The following SHANK2 variants were observed in gnomAD, a reference collection of about 807,000 sequenced individuals.
The protein encoded by SHANK2 is SH3 and multiple ankyrin repeat domains protein 2.
SHANK2 carries 43 observed loss-of-function variants against 133.7 expected under a neutral mutation model. That is an observed-to-expected ratio of 0.32 (90% CI 0.25 to 0.41). The LOEUF is 0.41. Among genes scored for constraint, SHANK2 ranks in the 10% least tolerant of loss-of-function variants. SHANK2 has a pLI of 1.00. For synonymous variants in SHANK2, 1,017 were observed against 952.8 expected, an observed-to-expected ratio of 1.07 and a Z score of -1.24; for missense variants, 1,994 against 2,235.8, an observed-to-expected ratio of 0.89 and a Z score of 2.18.
At chr11:70,707,372 C>CAAAAAAA (rs1172194976) in intron 14 of SHANK2, among the ~76,000 whole-genome samples, 2 of 57,882 alleles carry the variant, frequency 3.5e-5, no homozygotes, top group African/African-American at 7.8e-5. Context: ...AACTCCATCT[C>CAAAAAAA]AAAAAAAAAA....
chr11:71,084,937 C>T (rs1054094050), intron 8 of SHANK2, among the ~76,000 whole-genome samples: 17 of 152,018 alleles, frequency 1.1e-4, no homozygotes, highest in Non-Finnish European at 8.8e-5. Flanking sequence ...CAATGAATGC[C>T]CCCAAATTGC....
intron 10 of SHANK2, among the ~76,000 whole-genome samples, chr11:70,936,238 G>A (rs1183901847): frequency 1.3e-5 from 2 of 152,200 alleles, no homozygotes; most frequent in Admixed American, 1.3e-4. Context: ...GAGGCCAGGC[G>A]CGGTGGCTCA....
rs551166795 is a variant in SHANK2 at position 70,791,332 on chromosome 11, G to A, written c.1777+7111C>T. Among the ~76,000 whole-genome samples, 210 of 152,254 alleles carry A rather than the reference G, an allele frequency of 1.4e-3. 3 individuals are homozygous for A. The highest frequency in any genetic ancestry group is 4.8e-3 in the African/African-American group (200 of 41,524). On this transcript the variant is annotated intron_variant, in intron 14 of 25. Transcript: ENST00000601538. ...CCTAAACTCCAGCAGGATGGGGTGA[G>A]GACATGCATGTAATTAAGCACCAAT...
chr11:71,239,101 G>C (rs1189804288), intron 1 of SHANK2, among the ~76,000 whole-genome samples: 1 of 152,258 alleles, frequency 6.6e-6, no homozygotes, highest in African/African-American at 2.4e-5. Context: ...AGATGACCGG[G>C]AGGGGCCGCC....
rs542816753 is a variant in SHANK2, at chr11:70,482,601, T to C, written c.4979+2713A>G. On this transcript the variant is annotated intron_variant, in intron 25 of 25. Coordinates refer to ENST00000601538, the MANE Select transcript of SHANK2 (RefSeq NM_012309.5). ...TTCCTTGTTCACACAGTGGGAAAAA[T>C]TACAGGCCCTGGCTCAGGGGTGCCG... Among the ~76,000 whole-genome samples, 56 of 152,222 alleles carry C rather than the reference T, an allele frequency of 3.7e-4. No homozygotes were observed. In the South Asian group the frequency reaches 0.012, roughly 32 times the overall value.
intron 8 of SHANK2, among the ~76,000 whole-genome samples, chr11:71,077,213 G>A (rs1285937556): frequency 2.0e-5 from 3 of 152,172 alleles, no homozygotes; most frequent in African/African-American, 7.2e-5. Context: ...AAGGACTTCT[G>A]GGAGGCAACA....
intron 12 of SHANK2, 48 bp downstream of exon 12, chr11:70,820,308 GCTGGGACC>G (rs1948488187): frequency 8.4e-6 from 5 of 593,056 alleles, no homozygotes; most frequent in African/African-American, 1.9e-5. Context: ...AGTTGGAGGA[GCTGGGACC>G]CCCAGCACGT....
intron 17 of SHANK2, among the ~76,000 whole-genome samples, chr11:70,584,236 T>G (rs2060219754): frequency 6.6e-6 from 1 of 152,202 alleles, no homozygotes; most frequent in Admixed American, 6.5e-5. Context: ...AGGTAGTTAC[T>G]AAGCCAGGCA....
intron 6 of SHANK2, among the ~76,000 whole-genome samples, chr11:71,103,593 G>A (rs543721869): frequency 3.2e-4 from 48 of 152,274 alleles, no homozygotes; most frequent in Non-Finnish European, 6.8e-4. Context: ...CTCTATTAAA[G>A]GTGACGCATA....
rs1555100934 is a variant in SHANK2, at chr11:71,118,921, C to A, written c.319G>T (p.Ala107Ser). Residue 107 changes from alanine to serine, a missense_variant, in exon 4 of 26, where the codon GCC (alanine) becomes TCC (serine). This residue lies in a region of SHANK2 where 653 missense variants were observed against 563.4 expected (regional missense o/e 1.16). Coordinates refer to ENST00000601538, the MANE Select transcript of SHANK2 (RefSeq NM_012309.5). ...AACTTGCCGTCACGCCCATTGCTGG[C>A]CGGCTGGAACAGGCCGTAGTTCAGG... is the stretch of plus-strand genomic sequence containing the variant. ...DVLNYGLFQP[A>S]SNGRDGKFLD... 7.7e-6 allele frequency: 12 copies of A among 1,551,770 alleles called. No homozygotes were observed. The highest frequency in any genetic ancestry group is 8.7e-7 in the Non-Finnish European group (1 of 1,147,012).
intron 17 of SHANK2, among the ~76,000 whole-genome samples, chr11:70,612,086 G>T (rs1554994416): frequency 6.6e-6 from 1 of 152,178 alleles, no homozygotes. Flanking sequence ...CCCAGGAGGG[G>T]AGCTGGATGG....
chr11:70,573,554 G>GT (rs1222787221), intron 17 of SHANK2, among the ~76,000 whole-genome samples: 9 of 123,216 alleles, frequency 7.3e-5, no homozygotes, highest in East Asian at 2.6e-4. Context: ...GGGGGCGGGG[G>GT]GGGGGTGGGG....
intron 10 of SHANK2, among the ~76,000 whole-genome samples, chr11:70,932,051 T>C (rs979672260): frequency 2.6e-5 from 4 of 152,230 alleles, no homozygotes; most frequent in African/African-American, 9.6e-5. Flanking sequence ...ATAATCTCTA[T>C]GATACGGTAT....
intron 17 of SHANK2, among the ~76,000 whole-genome samples, chr11:70,610,265 TCCATCAGCATTG>T (rs1228886222): frequency 2.6e-5 from 4 of 151,960 alleles, no homozygotes; most frequent in African/African-American, 9.7e-5. Flanking sequence ...CCCCTAAAAT[TCCATCAGCATTG>T]CCTGTTCTTA....
chr11:70,547,072 A>G (rs1057392810), intron 17 of SHANK2, among the ~76,000 whole-genome samples: 1 of 151,780 alleles, frequency 6.6e-6, no homozygotes, highest in Non-Finnish European at 1.5e-5. Context: ...CAGTTTACCC[A>G]GAATCTCCCT....
At position 71,118,899 on chromosome 11, in the gene SHANK2, T is replaced by C; in HGVS notation, c.341A>G (p.Lys114Arg). ...FQPASNGRDG[K>R]FLDEERLLRE... The stretch of plus-strand genomic sequence containing the variant: ...CAGGAGCCGCTCCTCATCCAGGAAC[T>C]TGCCGTCACGCCCATTGCTGGCCGG... Residue 114 changes from lysine to arginine, a missense_variant, in exon 4 of 26, where the codon AAG becomes AGG. This residue lies in a region of SHANK2 where 653 missense variants were observed against 563.4 expected (regional missense o/e 1.16). Transcript: ENST00000601538. 4 of 1,551,728 alleles carry C rather than the reference T, an allele frequency of 2.6e-6. No homozygotes were observed. The highest frequency in any genetic ancestry group is 3.5e-6 in the Non-Finnish European group (4 of 1,147,004).
At chr11:71,067,980 TCAC>T (rs1270253900) in intron 9 of SHANK2, among the ~76,000 whole-genome samples, 4 of 151,030 alleles carry the variant, frequency 2.6e-5, no homozygotes, top group East Asian at 1.9e-4. Context: ...ACCACCATCA[TCAC>T]CACCACCATC....
At chr11:71,146,253 G>T (rs1952641732) in intron 3 of SHANK2, among the ~76,000 whole-genome samples, 1 of 152,228 alleles carries the variant, frequency 6.6e-6, no homozygotes, top group Non-Finnish European at 1.5e-5. Flanking sequence ...GAACGTGGCT[G>T]GGCGACTGGC....
Position 70,882,845 on chromosome 11 carries a change from T to C in SHANK2, c.1174+13656A>G, listed in dbSNP as rs782563361. 1.3e-5 allele frequency among the ~76,000 whole-genome samples: 2 copies of C among 151,966 alleles called. No individual in the cohort carries two copies. Among genetic ancestry groups the C allele is most frequent in the Non-Finnish European group, 2.9e-5 (2 of 67,978 alleles). On this transcript the variant is annotated intron_variant, in intron 11 of 25. Coordinates refer to ENST00000601538, the MANE Select transcript of SHANK2 (RefSeq NM_012309.5). The surrounding 1 kb of genome is among the most constrained non-coding windows in gnomAD (Gnocchi z 4.2). ...GGTCCTCCAGGAGGGCAGAACTGTG[T>C]GGATTTTGCAGGAGTGAGGGGAGGT...
Sources: gnomAD v4.1 joint callset for allele counts (sites outside exome capture counted in the v4.1 genomes callset) on GRCh38, gnomAD v4.1.1 for gene constraint, gnomAD v4.1.1 regional missense constraint, Gnocchi (gnomAD v3.1) non-coding constraint, MANE v1.5 for transcripts, NCBI Gene and HGNC (gene_info 2026-07-23, HGNC 2026-07-21) for gene names.